The following TEX36 variants were observed in gnomAD, a reference collection of about 807,000 sequenced individuals.
The protein encoded by TEX36 is testis-expressed protein 36.
Under a neutral mutation model 13.6 loss-of-function variants are expected in TEX36, and 12 were observed. The ratio of observed to expected loss-of-function variants is 0.88; its 90% CI spans 0.56 to 1.43. The LOEUF is 1.43. TEX36 is among the 40% of genes most tolerant of loss of function. TEX36 has a pLI of 0.00. For synonymous variants in TEX36, 93 were observed against 83.0 expected, an observed-to-expected ratio of 1.12 and a Z score of -0.65; for missense variants, 224 against 228.3, an observed-to-expected ratio of 0.98 and a Z score of 0.12.
intron 3 of TEX36, among the ~76,000 whole-genome samples, chr10:125,590,282 T>TA (rs892717973): frequency 5.3e-5 from 8 of 151,240 alleles, no homozygotes; most frequent in Admixed American, 6.6e-5. Context: ...GCTAATTTTT[T>TA]AAAAAAAAAA....
chr10:125,664,967 A>G (rs1372026372), intron 1 of TEX36, among the ~76,000 whole-genome samples: 1 of 152,158 alleles, frequency 6.6e-6, no homozygotes, highest in Non-Finnish European at 1.5e-5. Flanking sequence ...CTGATGATCA[A>G]TGATGTTGAG....
At chr10:125,587,075 G>A (rs1407894862) in intron 3 of TEX36, among the ~76,000 whole-genome samples, 6 of 152,128 alleles carry the variant, frequency 3.9e-5, no homozygotes, top group Non-Finnish European at 8.8e-5. Flanking sequence ...CTTCCATCAC[G>A]ATTGTAAGTT....
chr10:125,656,019 T>G lies in TEX36; in HGVS notation c.442A>C (p.Lys148Gln). ...AATGTAAAAGCGTTCCATATCTCTT[T>G]ATAGCATCGTGGAAAGCGTCTGAAG... is the stretch of plus-strand genomic sequence containing the variant. ...SSFRRFPRCY[K>Q]EIWNAFTFLP... The change falls in exon 4 of 4, where the codon AAA (lysine) becomes CAA (glutamine). Residue 148 changes from lysine to glutamine, a missense_variant. Coordinates refer to ENST00000368821, the MANE Select transcript of TEX36 (RefSeq NM_001128202.3). 6.4e-7 allele frequency: 1 copy of G among 1,551,990 alleles called. No individual in the cohort carries two copies.
chr10:125,609,066 G>T (rs577001183), intron 3 of TEX36, among the ~76,000 whole-genome samples: 1 of 150,920 alleles, frequency 6.6e-6, no homozygotes, highest in South Asian at 2.1e-4. Flanking sequence ...CATCTACTCA[G>T]GAGGCTTGAA....
intron 3 of TEX36, among the ~76,000 whole-genome samples, chr10:125,611,642 CT>C (rs1846291271): frequency 2.0e-5 from 3 of 150,728 alleles, no homozygotes; most frequent in African/African-American, 7.3e-5. Context: ...TTATTGCAAA[CT>C]TTTTTTGCAA....
At chr10:125,613,578 A>G (rs1370441010) in intron 3 of TEX36, among the ~76,000 whole-genome samples, 4 of 150,904 alleles carry the variant, frequency 2.7e-5, no homozygotes, top group Non-Finnish European at 5.9e-5. Context: ...ATGATTTCCA[A>G]TTTCATCCAT....
chr10:125,625,913 C>A (rs567971596), intron 3 of TEX36, among the ~76,000 whole-genome samples: 3 of 152,210 alleles, frequency 2.0e-5, no homozygotes, highest in African/African-American at 7.2e-5. Context: ...TGGGTTCTGT[C>A]GGAGTTGGTA....
intron 3 of TEX36, among the ~76,000 whole-genome samples, chr10:125,642,939 A>G (rs984989693): frequency 6.6e-6 from 1 of 152,202 alleles, no homozygotes; most frequent in Non-Finnish European, 1.5e-5. Context: ...TAAGTAATGG[A>G]AGCTAGACAG....
downstream of TEX36, among the ~76,000 whole-genome samples, chr10:125,652,215 G>A (rs996019156): frequency 2.0e-5 from 3 of 152,168 alleles, no homozygotes; most frequent in African/African-American, 7.2e-5. Context: ...AAGAAAACTG[G>A]AGGCATCATG....
At chr10:125,635,665 A>G (rs576516310) in intron 3 of TEX36, among the ~76,000 whole-genome samples, 1 of 152,276 alleles carries the variant, frequency 6.6e-6, no homozygotes, top group East Asian at 1.9e-4. Flanking sequence ...GAACCCAGCA[A>G]CATCGCAGTG....
intron 1 of TEX36, among the ~76,000 whole-genome samples, chr10:125,669,311 T>A (rs952656562): frequency 3.3e-5 from 5 of 150,146 alleles, no homozygotes; most frequent in African/African-American, 1.2e-4. Context: ...ATAAATAAAA[T>A]AAATAAATAA....
chr10:125,656,356 A>G (rs1328303574), intron 3 of TEX36, among the ~76,000 whole-genome samples, 160 bp from the exon 4 acceptor site: 4 of 143,300 alleles, frequency 2.8e-5, no homozygotes, highest in African/African-American at 7.7e-5. Context: ...TCCCGGGTTC[A>G]AGCAATTCTC....
chr10:125,623,265 G>C (rs1846448994), intron 3 of TEX36, among the ~76,000 whole-genome samples: 1 of 152,164 alleles, frequency 6.6e-6, no homozygotes, highest in African/African-American at 2.4e-5. Flanking sequence ...ATGAGCATGA[G>C]CTCACTGCTG....
intron 3 of TEX36, among the ~76,000 whole-genome samples, chr10:125,598,996 T>C: frequency 6.6e-6 from 1 of 152,202 alleles, no homozygotes; most frequent in Admixed American, 6.5e-5. Flanking sequence ...GAATCTCATC[T>C]TTCTTAACCA....
chr10:125,682,852 A>G, intron 1 of TEX36, 87 bp downstream of exon 1: 1 of 1,411,364 alleles, frequency 7.1e-7, no homozygotes, highest in Middle Eastern at 1.7e-4. Context: ...TGCTTCAGTA[A>G]TAGTAGAAGC....
chr10:125,662,054 A>G, intron 1 of TEX36, 77 bp from the exon 2 acceptor site: 7 of 1,513,950 alleles, frequency 4.6e-6, no homozygotes, highest in Non-Finnish European at 6.2e-6. Flanking sequence ...CTTCCTTTGT[A>G]CAGTGATTAA....
At chr10:125,611,486 T>G (rs1334305822) in intron 3 of TEX36, among the ~76,000 whole-genome samples, 2 of 152,242 alleles carry the variant, frequency 1.3e-5, no homozygotes, top group Non-Finnish European at 2.9e-5. Context: ...AGATGTTTAT[T>G]GGCCTTCTGT....
At chr10:125,644,658 G>C (rs950401737) in intron 3 of TEX36, among the ~76,000 whole-genome samples, 2 of 152,176 alleles carry the variant, frequency 1.3e-5, no homozygotes, top group African/African-American at 4.8e-5. Flanking sequence ...ATTCTAAGAT[G>C]ACCTTCAATG....
chr10:125,666,829 AG>A, intron 1 of TEX36: 1 of 300,208 alleles, frequency 3.3e-6, no homozygotes, highest in Non-Finnish European at 6.4e-6. Flanking sequence ...TCAAGAGAGT[AG>A]GGGCGGGGCC....
Sources: gnomAD v4.1 joint callset for allele counts (sites outside exome capture counted in the v4.1 genomes callset) on GRCh38, gnomAD v4.1.1 for gene constraint, MANE v1.5 for transcripts, NCBI Gene and HGNC (gene_info 2026-07-23, HGNC 2026-07-21) for gene names.